Variants in HDAC9 observed in about 807,000 individuals in gnomAD.
HDAC9 encodes the protein MEF-2 interacting transcription repressor (MITR) protein.
In HDAC9, 41 loss-of-function variants were observed where a neutral mutation model predicts 139.4. The ratio of observed to expected loss-of-function variants is 0.29; its 90% confidence interval spans 0.23 to 0.38. HDAC9 has a LOEUF of 0.38. Among genes scored for constraint, HDAC9 ranks in the 10% least tolerant of loss-of-function variants. HDAC9 has a pLI of 1.00. For synonymous variants in HDAC9, 517 were observed against 476.2 expected (o/e 1.09, Z -1.12); for missense variants, 1,147 against 1,297.0 (o/e 0.88, Z 1.78).
chr7:18,291,850 G>A (rs1797829951), intron 1 of HDAC9, among the ~76,000 whole-genome samples: 4 of 152,080 alleles, frequency 2.6e-5, no homozygotes, highest in African/African-American at 9.7e-5. Context: ...AGAGCAAGGA[G>A]TAGATCTAAT....
At chr7:18,167,842 T>C (rs1788111530) in intron 2 of HDAC9, among the ~76,000 whole-genome samples, 1 of 152,134 alleles carries the variant, frequency 6.6e-6, no homozygotes, top group African/African-American at 2.4e-5. Flanking sequence ...ACAGCTGGCC[T>C]CTCTCTACCA....
chr7:18,697,369 G>A (rs1214205247), intron 12 of HDAC9, among the ~76,000 whole-genome samples: 1 of 152,148 alleles, frequency 6.6e-6, no homozygotes, highest in African/African-American at 2.4e-5. Flanking sequence ...AAGCTGACAA[G>A]TATAAAAAAC....
intron 17 of HDAC9, among the ~76,000 whole-genome samples, chr7:18,818,756 A>G (rs1464246748): frequency 6.6e-6 from 1 of 152,042 alleles, no homozygotes; most frequent in African/African-American, 2.4e-5. Context: ...CTTATTTTTC[A>G]TGATTTTGAA....
chr7:18,683,293 TA>T (rs887447097), intron 12 of HDAC9, among the ~76,000 whole-genome samples: 1 of 151,332 alleles, frequency 6.6e-6, no homozygotes, highest in Non-Finnish European at 1.5e-5. Flanking sequence ...ATGAAAAAAA[TA>T]AAAAATACAG....
intron 1 of HDAC9, chr7:18,458,737 T>C: frequency 1.4e-6 from 1 of 719,094 alleles, no homozygotes; most frequent in African/African-American, 1.8e-5. Context: ...AGACCTCTAC[T>C]CAGAGTAGTA....
intron 1 of HDAC9, among the ~76,000 whole-genome samples, chr7:18,307,171 T>A (rs904417315): frequency 6.0e-5 from 9 of 151,154 alleles, no homozygotes; most frequent in Admixed American, 5.3e-4. Context: ...AAGAGTATCT[T>A]TTTTAAAGCC....
intron 13 of HDAC9, among the ~76,000 whole-genome samples, chr7:18,741,896 A>G (rs1167864034): frequency 1.3e-5 from 2 of 152,236 alleles, no homozygotes; most frequent in African/African-American, 2.4e-5. Flanking sequence ...CTGCAGAAGT[A>G]GCAAGGGAAC....
chr7:18,599,087 G>C (rs1206980488), intron 6 of HDAC9, among the ~76,000 whole-genome samples: 1 of 152,198 alleles, frequency 6.6e-6, no homozygotes, highest in Non-Finnish European at 1.5e-5. Flanking sequence ...TTGATGTTCT[G>C]TGCTCACTAG....
chr7:18,550,034 A>T (rs1242918094), intron 2 of HDAC9, among the ~76,000 whole-genome samples: 2 of 146,440 alleles, frequency 1.4e-5, no homozygotes, highest in Non-Finnish European at 3.0e-5. Context: ...TTTTTTTTTT[A>T]CCATTTTCAA....
At chr7:18,114,818 T>C (rs1199956337) in intron 1 of HDAC9, among the ~76,000 whole-genome samples, 1 of 152,240 alleles carries the variant, frequency 6.6e-6, no homozygotes, top group Non-Finnish European at 1.5e-5. Flanking sequence ...TATAGCTGCA[T>C]ACATTGCTGG....
chr7:18,617,468 T>C (rs1250726097), intron 6 of HDAC9, among the ~76,000 whole-genome samples: 1 of 152,198 alleles, frequency 6.6e-6, no homozygotes, highest in Admixed American at 6.6e-5. Flanking sequence ...GTTTTCCAGA[T>C]GCTCCTTGCT....
chr7:18,862,152 C>T (rs1243203446), intron 21 of HDAC9, among the ~76,000 whole-genome samples: 2 of 152,176 alleles, frequency 1.3e-5, no homozygotes, highest in Admixed American at 6.5e-5. Context: ...AGGAAAGACA[C>T]ACTTTAGAAT....
chr7:18,727,664 C>T lies in HDAC9; in HGVS notation c.1816C>T (p.His606Tyr). Residue 606 changes from histidine (H) to tyrosine (Y), a missense_variant, in exon 13 of 26, where the codon CAC becomes TAC. His to Tyr is a moderately conservative substitution (Grantham distance 83, BLOSUM62 2). Around this residue, in one of 7 missense-constraint regions of HDAC9, gnomAD observed 256 missense variants for 219.2 expected, o/e 1.17. Coordinates refer to ENST00000686413, the MANE Select transcript of HDAC9 (RefSeq NM_178425.4). ...AAVGMDGLEK[H>Y]RLVSRTHSSP... The stretch of plus-strand genomic sequence containing the variant: ...GGTTGGCATGGATGGATTAGAGAAA[C>T]ACCGTCTCGTCTCCAGGACTCACTC... The T allele has an allele frequency of 1.9e-6, 3 of 1,593,520 alleles. No homozygotes were observed. The highest frequency in any genetic ancestry group is 2.6e-6 in the Non-Finnish European group (3 of 1,172,410).
At chr7:18,374,970 A>G (rs543527599) in intron 1 of HDAC9, among the ~76,000 whole-genome samples, 5 of 152,324 alleles carry the variant, frequency 3.3e-5, no homozygotes, top group Admixed American at 2.6e-4. Context: ...TGCCAGTTGC[A>G]TAAAAGCCTA....
chr7:18,503,363 A>C (rs1052637887), intron 2 of HDAC9, among the ~76,000 whole-genome samples: 1 of 152,206 alleles, frequency 6.6e-6, no homozygotes, highest in African/African-American at 2.4e-5. Flanking sequence ...TTCTTCTTCA[A>C]CTAAGTTGGT....
intron 21 of HDAC9, among the ~76,000 whole-genome samples, chr7:18,869,661 A>T (rs1421759685): frequency 6.6e-6 from 1 of 152,106 alleles, no homozygotes; most frequent in East Asian, 1.9e-4. Context: ...GAATTGGAGG[A>T]CACCCAGCAG....
chr7:18,821,451 A>T (rs1794961761), intron 17 of HDAC9, among the ~76,000 whole-genome samples: 1 of 152,232 alleles, frequency 6.6e-6, no homozygotes, highest in African/African-American at 2.4e-5. Flanking sequence ...AACTAGGAGC[A>T]TAGGCAGAGC....
intron 1 of HDAC9, among the ~76,000 whole-genome samples, chr7:18,120,520 G>T (rs1467500447): frequency 6.6e-6 from 1 of 151,832 alleles, no homozygotes; most frequent in African/African-American, 2.4e-5. Context: ...GCTTTGGGAA[G>T]TTTTCTTCAT....
chr7:18,329,314 G>T (rs555739177), intron 1 of HDAC9, among the ~76,000 whole-genome samples: 5 of 151,410 alleles, frequency 3.3e-5, no homozygotes, highest in African/African-American at 1.2e-4. Flanking sequence ...GATTTTTAAC[G>T]TTCTCACCAC....
Sources: allele counts gnomAD v4.1 joint callset (sites outside exome capture counted in the v4.1 genomes callset), GRCh38; gene constraint gnomAD v4.1.1; regional missense constraint gnomAD v4.1.1; transcripts MANE v1.5; gene names NCBI Gene and HGNC (gene_info 2026-07-23, HGNC 2026-07-21).